The following RALYL variants were observed in gnomAD, a reference collection of about 807,000 sequenced individuals.
RALYL encodes RNA-binding Raly-like protein.
RALYL carries 29 observed loss-of-function variants against 35.1 expected under a neutral mutation model. The observed-to-expected ratio is 0.83, with a 90% CI of 0.61 to 1.13. RALYL has a LOEUF of 1.13. Ranked by LOEUF, RALYL falls within the 50% of genes most tolerant of loss-of-function variation. The probability of loss-of-function intolerance (pLI) is 0.00; values close to 1 mark genes in which losing one functional copy is unlikely to be tolerated. For missense variants in RALYL, 359 were observed against 360.4 expected (o/e 1.00, Z 0.03); for synonymous variants, 120 against 127.6 (o/e 0.94, Z 0.40).
intron 2 of RALYL, among the ~76,000 whole-genome samples, chr8:84,626,533 G>T (rs1023918993): frequency 6.6e-6 from 1 of 152,092 alleles, no homozygotes; most frequent in Non-Finnish European, 1.5e-5. Context: ...AAAAATTTAG[G>T]TTCTCTTTGA....
chr8:84,269,141 C>G (rs1323487243), intron 1 of RALYL, among the ~76,000 whole-genome samples: 2 of 152,096 alleles, frequency 1.3e-5, no homozygotes, highest in African/African-American at 2.4e-5. Flanking sequence ...TTAGGTCTTT[C>G]AAGAGCAATA....
intron 3 of RALYL, among the ~76,000 whole-genome samples, chr8:84,778,663 T>C (rs1270406530): frequency 1.3e-5 from 2 of 152,022 alleles, no homozygotes; most frequent in Non-Finnish European, 2.9e-5. Context: ...GTCTACCTTG[T>C]GGGGAATGGA....
intron 8 of RALYL, among the ~76,000 whole-genome samples, chr8:84,909,227 A>T (rs1037351604): frequency 6.6e-6 from 1 of 152,190 alleles, no homozygotes; most frequent in Non-Finnish European, 1.5e-5. Flanking sequence ...TAAATACTGT[A>T]TACACATTTG....
At chr8:84,677,176 T>C (rs1305530513) in intron 2 of RALYL, among the ~76,000 whole-genome samples, 1 of 152,220 alleles carries the variant, frequency 6.6e-6, no homozygotes, top group Non-Finnish European at 1.5e-5. Context: ...AAGGCAGAGC[T>C]ATATCTATTA....
intron 2 of RALYL, among the ~76,000 whole-genome samples, chr8:84,558,472 A>G (rs2061275835): frequency 6.6e-6 from 1 of 152,116 alleles, no homozygotes; most frequent in African/African-American, 2.4e-5. Flanking sequence ...TTTTTTAGTT[A>G]TAAGAGATTA....
At chr8:84,692,201 T>C (rs540782464) in intron 2 of RALYL, among the ~76,000 whole-genome samples, 2 of 152,084 alleles carry the variant, frequency 1.3e-5, no homozygotes, top group East Asian at 3.9e-4. Context: ...TTCTCACCAC[T>C]TATATTTAGT....
At chr8:84,434,643 A>G (rs1335275062) in intron 1 of RALYL, among the ~76,000 whole-genome samples, 5 of 152,170 alleles carry the variant, frequency 3.3e-5, no homozygotes, top group Non-Finnish European at 4.4e-5. Flanking sequence ...AAGAGTATTC[A>G]TATCAAATAA....
chr8:84,903,995 TAAGA>T (rs1846095800), intron 8 of RALYL, among the ~76,000 whole-genome samples: 1 of 152,134 alleles, frequency 6.6e-6, no homozygotes. Flanking sequence ...AGGAAGTGAA[TAAGA>T]AAGAAAAAAA....
At chr8:84,679,582 C>T (rs771655744) in intron 2 of RALYL, 44 of 440,306 alleles carry the variant, frequency 1.0e-4, no homozygotes, top group Non-Finnish European at 1.6e-4. Context: ...GAACAAGAAA[C>T]GCCTGCCTTA....
At chr8:84,705,944 C>T in intron 2 of RALYL, 1 of 1,523,388 alleles carries the variant, frequency 6.6e-7, no homozygotes, top group South Asian at 1.2e-5. Flanking sequence ...AACAGTCTTA[C>T]TGCAAAGCAG....
intron 4 of RALYL, among the ~76,000 whole-genome samples, chr8:84,833,042 A>G (rs1466227594): frequency 1.3e-5 from 2 of 152,132 alleles, no homozygotes. Flanking sequence ...GCTTTCAAAT[A>G]TTTAAAGTTA....
At chr8:84,868,109 T>C (rs937567229) in intron 6 of RALYL, among the ~76,000 whole-genome samples, 3 of 151,778 alleles carry the variant, frequency 2.0e-5, no homozygotes, top group Non-Finnish European at 4.4e-5. Flanking sequence ...CAGTGGGGGG[T>C]AGGAGGGTGG....
At chr8:84,387,918 T>A (rs951838889) in intron 1 of RALYL, among the ~76,000 whole-genome samples, 1 of 151,936 alleles carries the variant, frequency 6.6e-6, no homozygotes, top group Non-Finnish European at 1.5e-5. Flanking sequence ...TATGTATACA[T>A]GTGCCATGCT....
intron 8 of RALYL, among the ~76,000 whole-genome samples, chr8:84,896,528 C>T (rs753425157): frequency 6.6e-6 from 1 of 152,046 alleles, no homozygotes; most frequent in Non-Finnish European, 1.5e-5. Context: ...GAATAGATAC[C>T]GAAGTCCTTA....
chr8:84,423,833 T>C (rs1225856542), intron 1 of RALYL, among the ~76,000 whole-genome samples: 1 of 151,680 alleles, frequency 6.6e-6, no homozygotes, highest in Non-Finnish European at 1.5e-5. Context: ...GGATATGAAA[T>C]TCTGGGTTGA....
chr8:84,641,633 T>A (rs1361286209), intron 2 of RALYL, among the ~76,000 whole-genome samples: 2 of 151,820 alleles, frequency 1.3e-5, no homozygotes, highest in Non-Finnish European at 2.9e-5. Context: ...ACAAAGCTAG[T>A]CATTATTTAA....
rs1368998008 is a variant in RALYL at position 84,282,777 on chromosome 8, TGTATAC to T, written c.-24+98354_-24+98359del. 5.3e-5 allele frequency among the ~76,000 whole-genome samples: 8 copies of T among 151,270 alleles called. No homozygotes were observed. The South Asian group carries it at 6.3e-4, about 12-fold the overall frequency. On this transcript the variant is annotated intron_variant, in intron 1 of 8. Transcript: ENST00000521268. Reference sequence around the variant, plus strand: ...GTGTGTGTGTGTGTGTGTGTGTGTGTGTATACATATATATAATTTAGATCTATAAAA... The same window carrying T: ...GTGTGTGTGTGTGTGTGTGTGTGTGTATATATATAATTTAGATCTATAAAA...
rs1388216492 is a variant in RALYL, at chr8:84,887,761, T to A, written c.843T>A (p.Asp281Glu). 4.3e-6 allele frequency: 7 copies of A among 1,613,018 alleles called. No homozygotes were observed. The highest frequency in any genetic ancestry group is 5.9e-6 in the Non-Finnish European group (7 of 1,179,552). The change falls in exon 8 of 9, where the codon GAT (aspartate) becomes GAA (glutamate). Residue 281 changes from aspartate (D) to glutamate (E), a missense_variant. Transcript: ENST00000521268. Reference protein sequence around the residue: ...TDGIEEDFDEDGGHELFLQIK With the variant: ...TDGIEEDFDEEGGHELFLQIK Reference sequence around the variant, plus strand: ...GGATAGAGGAGGACTTCGATGAAGATGGGGGTCATGAGCTGGTAGGAAAGA... The same window carrying A: ...GGATAGAGGAGGACTTCGATGAAGAAGGGGGTCATGAGCTGGTAGGAAAGA...
At chr8:84,326,878 A>T (rs1019968993) in intron 1 of RALYL, among the ~76,000 whole-genome samples, 4 of 152,180 alleles carry the variant, frequency 2.6e-5, no homozygotes, top group African/African-American at 9.6e-5. Flanking sequence ...ATCAGATTTT[A>T]AATGTAGACT....
Sources: allele counts gnomAD v4.1 joint callset (sites outside exome capture counted in the v4.1 genomes callset), GRCh38; gene constraint gnomAD v4.1.1; transcripts MANE v1.5; gene names NCBI Gene and HGNC (gene_info 2026-07-23, HGNC 2026-07-21).